Variants in CSMD1 observed in about 807,000 individuals in gnomAD.
CSMD1 encodes CUB and Sushi multiple domains 1.
A neutral mutation model predicts 417.5 loss-of-function variants in CSMD1; 213 were observed. That is an observed-to-expected ratio of 0.51 (90% CI 0.46 to 0.57). The LOEUF (loss-of-function observed/expected upper bound fraction) is 0.57, where lower values mean the gene tolerates loss of function less well. Among genes scored for constraint, CSMD1 ranks in the 20% least tolerant of loss-of-function variants. CSMD1 has a pLI of 0.00. For synonymous variants in CSMD1, 2,862 were observed against 1,736.8 expected, an observed-to-expected ratio of 1.65 and a Z score of -16.11; for missense variants, 6,923 against 4,529.7, an observed-to-expected ratio of 1.53 and a Z score of -15.17.
rs1239587957 is a variant in CSMD1 at position 3,853,881 on chromosome 8, T to TTAAAGTA, written c.819-99840_819-99839insTACTTTA. On this transcript the variant is annotated intron_variant, in intron 5 of 69. Transcript: ENST00000635120. Reference sequence around the variant, plus strand: ...ACTTAATATATTATACTTTAATATATTAATATATTATACTTTAATATATTA... The same window carrying TTAAAGTA: ...ACTTAATATATTATACTTTAATATATTAAAGTATAATATATTATACTTTAATATATTA... Among the ~76,000 whole-genome samples, 52 of 146,714 alleles carry TTAAAGTA rather than the reference T, an allele frequency of 3.5e-4. 1 individual carries two copies. Among genetic ancestry groups the TTAAAGTA allele is most frequent in the African/African-American group, 4.5e-4 (18 of 40,154 alleles).
chr8:3,926,935 C>T (rs1051217513), intron 5 of CSMD1, among the ~76,000 whole-genome samples: 1 of 151,556 alleles, frequency 6.6e-6, no homozygotes, highest in Non-Finnish European at 1.5e-5. Flanking sequence ...AGGATGGTCT[C>T]AAACTCCTGA....
rs1482917992 is a variant in CSMD1 at position 4,835,061 on chromosome 8, A to G, written c.85+159271T>C. ...CAAATGATGACATTTCTCACATAAC[A>G]AACAAAAGCGTTTCTTCACTGCCCT... On this transcript the variant is annotated intron_variant, in intron 1 of 69. Coordinates refer to ENST00000635120, the MANE Select transcript of CSMD1 (RefSeq NM_033225.6). Among the ~76,000 whole-genome samples the G allele has an allele frequency of 1.3e-5, 2 of 150,666 alleles. 1 individual carries two copies. The highest frequency in any genetic ancestry group is 4.9e-5 in the African/African-American group (2 of 41,144).
chr8:4,351,401 G>C (rs951256434), intron 3 of CSMD1, among the ~76,000 whole-genome samples: 3 of 152,190 alleles, frequency 2.0e-5, no homozygotes, highest in Non-Finnish European at 2.9e-5. Flanking sequence ...CATAGCCCAT[G>C]CTGGCTGTTA....
intron 3 of CSMD1, among the ~76,000 whole-genome samples, chr8:4,042,815 T>TTAAAAAAAAAA (rs1487345501): frequency 1.8e-3 from 76 of 41,302 alleles, no homozygotes; most frequent in Non-Finnish European, 2.8e-3. Flanking sequence ...TACAACATAT[T>TTAAAAAAAAAA]AAAAAAAAAA....
intron 3 of CSMD1, among the ~76,000 whole-genome samples, chr8:4,231,148 GGATATT>G (rs1188791335): frequency 6.6e-6 from 1 of 152,132 alleles, no homozygotes; most frequent in Non-Finnish European, 1.5e-5. Flanking sequence ...AAAACTAACA[GGATATT>G]GATATAGTGA....
At chr8:3,252,612 G>C (rs1194492612) in intron 26 of CSMD1, among the ~76,000 whole-genome samples, 1 of 152,064 alleles carries the variant, frequency 6.6e-6, no homozygotes, top group Non-Finnish European at 1.5e-5. Context: ...TTTTTCTATT[G>C]ATTGAATAGT....
intron 10 of CSMD1, among the ~76,000 whole-genome samples, chr8:3,523,815 ACG>A (rs1171857691): frequency 1.3e-5 from 2 of 151,064 alleles, no homozygotes; most frequent in East Asian, 3.9e-4. Flanking sequence ...ACATACACAC[ACG>A]CACATATGCA....
chr8:3,672,842 G>C (rs377525558), intron 7 of CSMD1, among the ~76,000 whole-genome samples: 1 of 152,162 alleles, frequency 6.6e-6, no homozygotes, highest in Non-Finnish European at 1.5e-5. Flanking sequence ...AATAGACTTG[G>C]AGACGCAGCT....
chr8:4,908,680 G>C (rs1432500197), intron 1 of CSMD1, among the ~76,000 whole-genome samples: 2 of 151,046 alleles, frequency 1.3e-5, no homozygotes, highest in African/African-American at 4.8e-5. Context: ...GCTGTATTCA[G>C]TCTAGCAATG....
chr8:3,332,028 A>G (rs1007750677), intron 23 of CSMD1, among the ~76,000 whole-genome samples: 1 of 152,246 alleles, frequency 6.6e-6, no homozygotes, highest in Non-Finnish European at 1.5e-5. Flanking sequence ...AGATGGATAT[A>G]GACAGAATGA....
At chr8:2,977,539 G>C (rs1456846841) in intron 55 of CSMD1, among the ~76,000 whole-genome samples, 1 of 152,092 alleles carries the variant, frequency 6.6e-6, no homozygotes, top group African/African-American at 2.4e-5. Flanking sequence ...TGTGGTTATT[G>C]TGAATAGTGC....
intron 22 of CSMD1, among the ~76,000 whole-genome samples, chr8:3,345,320 G>C (rs532775247): frequency 6.6e-6 from 1 of 152,080 alleles, no homozygotes; most frequent in African/African-American, 2.4e-5. Context: ...AAGCTGAATC[G>C]TAAGATTCTT....
intron 5 of CSMD1, among the ~76,000 whole-genome samples, chr8:3,939,365 T>C (rs1369596750): frequency 1.3e-5 from 2 of 152,124 alleles, no homozygotes; most frequent in African/African-American, 4.8e-5. Context: ...AAAATATAAA[T>C]GTTGGCATGG....
At chr8:3,218,555 C>A (rs920963127) in intron 29 of CSMD1, among the ~76,000 whole-genome samples, 1 of 102,278 alleles carries the variant, frequency 9.8e-6, no homozygotes, top group Non-Finnish European at 2.1e-5. Context: ...AGCAAGACTC[C>A]ATCTCAAAAA....
chr8:4,101,256 C>G (rs776727519), intron 3 of CSMD1, among the ~76,000 whole-genome samples: 2 of 152,206 alleles, frequency 1.3e-5, no homozygotes, highest in East Asian at 3.8e-4. Context: ...CTGAGGTTAA[C>G]TCATTGCAAC....
chr8:2,991,995 A>T (rs967759542), intron 54 of CSMD1, among the ~76,000 whole-genome samples: 4 of 152,244 alleles, frequency 2.6e-5, no homozygotes. Context: ...TATAAACATA[A>T]CAGATTTAAA....
chr8:2,972,246 A>G (rs1804523557), intron 57 of CSMD1, among the ~76,000 whole-genome samples: 1 of 152,186 alleles, frequency 6.6e-6, no homozygotes, highest in Non-Finnish European at 1.5e-5. Flanking sequence ...ATAAATGAAG[A>G]TTAAGGAAAC....
At chr8:3,712,593 T>A (rs12679627) in intron 6 of CSMD1, among the ~76,000 whole-genome samples, 2 of 151,978 alleles carry the variant, frequency 1.3e-5, no homozygotes, top group Non-Finnish European at 2.9e-5. Context: ...TATTTCGTGA[T>A]TGATGACAAA....
chr8:3,441,935 T>G (rs1382090537), intron 12 of CSMD1, among the ~76,000 whole-genome samples: 1 of 152,070 alleles, frequency 6.6e-6, no homozygotes, highest in African/African-American at 2.4e-5. Context: ...GAGAGCTTCA[T>G]TCATGTGTGG....
Sources: gnomAD v4.1 joint callset for allele counts (sites outside exome capture counted in the v4.1 genomes callset) on GRCh38, gnomAD v4.1.1 for gene constraint, MANE v1.5 for transcripts, NCBI Gene and HGNC (gene_info 2026-07-23, HGNC 2026-07-21) for gene names.